Variants in ATAD2B observed in about 807,000 individuals in gnomAD.
The protein encoded by ATAD2B is ATPase family AAA domain containing 2B, also known as ATPase family AAA domain-containing protein 2B.
A neutral mutation model predicts 167.6 loss-of-function variants in ATAD2B; 40 were observed. The observed-to-expected ratio is 0.24, with a 90% CI of 0.19 to 0.31. The LOEUF (loss-of-function observed/expected upper bound fraction) is 0.31, where lower values mean the gene tolerates loss of function less well. Among genes scored for constraint, ATAD2B ranks in the 10% least tolerant of loss-of-function variants. The pLI, the probability that ATAD2B is intolerant of heterozygous loss-of-function variation, is 1.00. For missense variants in ATAD2B, 1,242 were observed against 1,757.2 expected (o/e 0.71, Z 5.24); for synonymous variants, 579 against 596.5 (o/e 0.97, Z 0.43).
At chr2:23,850,305 T>C (rs879605694) in intron 13 of ATAD2B, among the ~76,000 whole-genome samples, 4 of 151,806 alleles carry the variant, frequency 2.6e-5, no homozygotes, top group Non-Finnish European at 5.9e-5. Flanking sequence ...AAAGAAAAAA[T>C]GACAAGAGGA....
At chr2:23,835,309 T>C (rs982828439) in intron 13 of ATAD2B, among the ~76,000 whole-genome samples, 2 of 152,186 alleles carry the variant, frequency 1.3e-5, no homozygotes, top group African/African-American at 4.8e-5. Context: ...GGTATATCCA[T>C]ACAATGGAAC....
intron 12 of ATAD2B, 43 bp from the exon 13 acceptor site, chr2:23,857,546 A>G (rs1244271209): frequency 2.1e-6 from 2 of 965,976 alleles, no homozygotes; most frequent in East Asian, 3.2e-5. Flanking sequence ...ATTTGTTTTC[A>G]TTTTTAAAAT....
chr2:23,872,732 C>A, intron 8 of ATAD2B: 1 of 1,062,366 alleles, frequency 9.4e-7, no homozygotes, highest in Non-Finnish European at 1.5e-6. Context: ...AGTCAGACCC[C>A]CATAGTGCTG....
chr2:23,788,986 G>A (rs979060467), intron 19 of ATAD2B, among the ~76,000 whole-genome samples: 3 of 151,918 alleles, frequency 2.0e-5, no homozygotes, highest in Non-Finnish European at 4.4e-5. Flanking sequence ...TAATTACTTC[G>A]AATCTATAAT....
the ATAD2B span, among the ~76,000 whole-genome samples, chr2:23,686,543 C>T: frequency 0.033 from 5,056 of 152,052 alleles, 101 homozygotes; most frequent in South Asian, 0.085. Flanking sequence ...AGGACCAGGA[C>T]GGAAAGGCAA....
chr2:23,908,259 T>C (rs1701774468), intron 1 of ATAD2B, among the ~76,000 whole-genome samples: 1 of 151,724 alleles, frequency 6.6e-6, no homozygotes, highest in African/African-American at 2.4e-5. Flanking sequence ...AGGGCTAATA[T>C]CCAGAATCTA....
the ATAD2B span, chr2:23,707,182 T>G: frequency 6.6e-6 from 1 of 152,284 alleles, no homozygotes; most frequent in African/African-American, 2.4e-5. Context: ...CCTAGGAGGC[T>G]GCTGGTCCCC....
At chr2:23,737,333 C>G in the ATAD2B span, among the ~76,000 whole-genome samples, 1 of 152,198 alleles carries the variant, frequency 6.6e-6, no homozygotes, top group Non-Finnish European at 1.5e-5. Context: ...CGGCTTGATA[C>G]TCCTCTGAGA....
At chr2:23,792,863 T>C (rs1405382401) in intron 19 of ATAD2B, among the ~76,000 whole-genome samples, 1 of 146,254 alleles carries the variant, frequency 6.8e-6, no homozygotes, top group Non-Finnish European at 1.5e-5. Context: ...TCCAGGAGGC[T>C]TAGGCAGAAG....
chr2:23,892,750 G>A (rs1033521032), intron 2 of ATAD2B, among the ~76,000 whole-genome samples: 7 of 152,138 alleles, frequency 4.6e-5, no homozygotes, highest in Non-Finnish European at 8.8e-5. Context: ...AATTACAGGC[G>A]TGAGCCACCA....
the ATAD2B span, among the ~76,000 whole-genome samples, chr2:23,739,583 C>T: frequency 1.3e-5 from 2 of 151,528 alleles, no homozygotes; most frequent in African/African-American, 4.9e-5. Flanking sequence ...CACTAAATGC[C>T]CACAAGAGAA....
the ATAD2B span, chr2:23,693,559 C>A: frequency 6.5e-7 from 1 of 1,535,620 alleles, no homozygotes; most frequent in South Asian, 1.2e-5. Flanking sequence ...CGCCCCTTCT[C>A]TCTGGGTTTG....
intron 15 of ATAD2B, 70 bp downstream of exon 15, chr2:23,828,779 C>T (rs1688611015): frequency 3.1e-6 from 3 of 975,632 alleles, no homozygotes; most frequent in Non-Finnish European, 4.8e-6. Context: ...ATTCACATTC[C>T]AAATAAGGGG....
At chr2:23,773,214 A>C (rs1678599611) in intron 22 of ATAD2B, among the ~76,000 whole-genome samples, 1 of 152,198 alleles carries the variant, frequency 6.6e-6, no homozygotes, top group Admixed American at 6.5e-5. Context: ...TTCATATAAG[A>C]ACAGAACATG....
chr2:23,849,672 A>G (rs529619364), intron 13 of ATAD2B, among the ~76,000 whole-genome samples: 2 of 152,328 alleles, frequency 1.3e-5, no homozygotes, highest in South Asian at 4.1e-4. Flanking sequence ...CTACAAAAAT[A>G]CAAAAATTAG....
chr2:23,695,709 C>A, the ATAD2B span: 1 of 1,551,614 alleles, frequency 6.4e-7, no homozygotes, highest in Non-Finnish European at 8.7e-7. The surrounding 1 kb of genome is among the most constrained non-coding windows in gnomAD (Gnocchi z 7.6). Flanking sequence ...AAGAGCTGAT[C>A]AAGTCATCAG....
intron 22 of ATAD2B, among the ~76,000 whole-genome samples, chr2:23,782,297 A>G (rs938230072): frequency 3.9e-5 from 6 of 152,222 alleles, no homozygotes; most frequent in Non-Finnish European, 7.3e-5. Flanking sequence ...CCTATGACAC[A>G]TATTCTTCCT....
the ATAD2B span, among the ~76,000 whole-genome samples, chr2:23,732,235 A>G: frequency 6.6e-6 from 1 of 152,234 alleles, no homozygotes; most frequent in Non-Finnish European, 1.5e-5. Flanking sequence ...TCAATAGATC[A>G]AAACCTGGTT....
chr2:23,847,617 C>T (rs1025270198), intron 13 of ATAD2B, among the ~76,000 whole-genome samples: 2 of 151,668 alleles, frequency 1.3e-5, no homozygotes, highest in African/African-American at 4.9e-5. Context: ...CACACCACTG[C>T]ACTACAGCCT....
Sources: allele counts gnomAD v4.1 joint callset (sites outside exome capture counted in the v4.1 genomes callset), GRCh38; gene constraint gnomAD v4.1.1; non-coding constraint Gnocchi (gnomAD v3.1); transcripts MANE v1.5; gene names NCBI Gene and HGNC (gene_info 2026-07-23, HGNC 2026-07-21).